UIMC1: variants seen among roughly 807,000 people sequenced by gnomAD.
UIMC1 encodes BRCA1-A complex subunit RAP80.
Under a neutral mutation model 84.9 loss-of-function variants are expected in UIMC1, and 42 were observed. That is an observed-to-expected ratio of 0.49 (90% confidence interval 0.39 to 0.64). The LOEUF is 0.64. Among genes scored for constraint, UIMC1 ranks in the 30% least tolerant of loss-of-function variants. The probability of loss-of-function intolerance (pLI) is 0.00; values close to 1 mark genes in which losing one functional copy is unlikely to be tolerated. For missense variants in UIMC1, 825 were observed against 847.6 expected, an observed-to-expected ratio of 0.97 and a Z score of 0.33; for synonymous variants, 281 against 293.0, an observed-to-expected ratio of 0.96 and a Z score of 0.42.
intron 9 of UIMC1, among the ~76,000 whole-genome samples, chr5:176,944,638 C>T (rs553471826): frequency 6.6e-6 from 1 of 152,186 alleles, no homozygotes; most frequent in Non-Finnish European, 1.5e-5. Flanking sequence ...ACGACCAAAA[C>T]TTCAATGCAT....
At chr5:176,974,877 G>A (rs1769818879) in intron 3 of UIMC1, among the ~76,000 whole-genome samples, 1 of 152,016 alleles carries the variant, frequency 6.6e-6, no homozygotes, top group African/African-American at 2.4e-5. Flanking sequence ...CAGAATGGGG[G>A]CTAACTGGTG....
At chr5:176,986,164 A>G (rs1273451014) in intron 1 of UIMC1, among the ~76,000 whole-genome samples, 1 of 151,642 alleles carries the variant, frequency 6.6e-6, no homozygotes, top group Non-Finnish European at 1.5e-5. Flanking sequence ...GTTCGAGACC[A>G]GCCTGGCCAA....
rs374144935 is a variant in UIMC1, at chr5:176,923,968, C to A, written c.1598-12579G>T. ...TCAGGGATAAAACTGGAAATTACAT[C>A]GTATATTTACATGTTGGCTCAATAA... On this transcript the variant is annotated intron_variant, in intron 10 of 14. Transcript: ENST00000511320. Among the ~76,000 whole-genome samples the A allele has an allele frequency of 1.7e-4, 26 of 151,322 alleles. No individual in the cohort carries two copies. The East Asian group carries it at 2.0e-3, about 11-fold the overall frequency.
In UIMC1 at chr5:177,002,446, G is replaced by A. The variant is rs920519944; in HGVS notation, c.-9+4204C>T. Among the ~76,000 whole-genome samples, 8 of 152,290 alleles carry A rather than the reference G, an allele frequency of 5.3e-5. No individual in the cohort carries two copies. The East Asian group carries it at 1.5e-3, about 29-fold the overall frequency. Reference sequence around the variant, plus strand: ...CTTACACGGGTGTACACATTGAACTGTACAATTAAGACGGGTTCACTCTAC... The same window carrying A: ...CTTACACGGGTGTACACATTGAACTATACAATTAAGACGGGTTCACTCTAC... On this transcript the variant is annotated intron_variant, in intron 1 of 14. Coordinates refer to ENST00000511320, the MANE Select transcript of UIMC1 (RefSeq NM_001199298.2).
intron 3 of UIMC1, among the ~76,000 whole-genome samples, chr5:176,973,498 C>T (rs1209804839): frequency 6.7e-6 from 1 of 148,496 alleles, no homozygotes; most frequent in Non-Finnish European, 1.5e-5. Context: ...TATAATTGCT[C>T]AAGTCCAGGT....
chr5:177,006,580 C>G (rs972916117), intron 1 of UIMC1, 70 bp downstream of exon 1: 10 of 152,346 alleles, frequency 6.6e-5, no homozygotes, highest in African/African-American at 2.4e-4. Flanking sequence ...TAGCGGGCCG[C>G]GGACCCGCTG....
chr5:176,911,613 G>A (rs188671245), intron 10 of UIMC1, among the ~76,000 whole-genome samples: 81 of 152,202 alleles, frequency 5.3e-4, no homozygotes, highest in Non-Finnish European at 7.9e-4. Flanking sequence ...AAGATATTCC[G>A]CTGTATGCTA....
At chr5:176,933,134 G>A (rs1033699945) in intron 10 of UIMC1, among the ~76,000 whole-genome samples, 3 of 152,076 alleles carry the variant, frequency 2.0e-5, no homozygotes, top group Admixed American at 1.3e-4. Context: ...AGAACTGACG[G>A]GTGAGTGAAA....
intron 13 of UIMC1, 35 bp from the exon 14 acceptor site, chr5:176,906,082 G>A: frequency 6.2e-7 from 1 of 1,601,480 alleles, no homozygotes; most frequent in Non-Finnish European, 8.5e-7. Flanking sequence ...AATGTTGGTA[G>A]TAGTGTTGGT....
intron 6 of UIMC1, among the ~76,000 whole-genome samples, chr5:176,965,198 G>C (rs1462558676): frequency 1.3e-5 from 2 of 152,116 alleles, no homozygotes; most frequent in Admixed American, 1.3e-4. Flanking sequence ...AAGGTGGGTG[G>C]ATCACGAGGT....
chr5:176,934,891 C>T (rs1392659101), intron 10 of UIMC1, among the ~76,000 whole-genome samples: 2 of 152,208 alleles, frequency 1.3e-5, no homozygotes, highest in Non-Finnish European at 2.9e-5. Flanking sequence ...ATCTGTTGAA[C>T]AGAGACCACT....
chr5:176,975,628 A>G (rs1485245301), intron 2 of UIMC1, 148 bp from the exon 3 acceptor site: 5 of 708,670 alleles, frequency 7.1e-6, no homozygotes, highest in Non-Finnish European at 1.2e-5. Flanking sequence ...GATCCTTTTC[A>G]GTACAAAAGG....
Position 176,913,519 on chromosome 5 carries a change from T to G in UIMC1, c.1598-2130A>C, listed in dbSNP as rs191837277. ...TCCAATATTCAACAAACAATCCAAC[T>G]AGTAAAAAGAACAGAAGAACCATGG... On this transcript the variant is annotated intron_variant, in intron 10 of 14. Transcript: ENST00000511320. Among the ~76,000 whole-genome samples, 808 of 152,310 alleles carry G rather than the reference T, an allele frequency of 5.3e-3. 9 individuals carry two copies. The highest frequency in any genetic ancestry group is 0.019 in the African/African-American group (774 of 41,560).
At chr5:176,931,151 A>G (rs544968847) in intron 10 of UIMC1, among the ~76,000 whole-genome samples, 1 of 152,294 alleles carries the variant, frequency 6.6e-6, no homozygotes, top group East Asian at 1.9e-4. Context: ...GAGATAACAA[A>G]AACTTATCCT....
intron 1 of UIMC1, among the ~76,000 whole-genome samples, chr5:177,012,203 T>G (rs898298170): frequency 6.6e-6 from 1 of 152,310 alleles, no homozygotes; most frequent in Admixed American, 6.5e-5. Flanking sequence ...CCACCTGTTA[T>G]GTCCCACATA....
At chr5:176,912,481 T>G (rs1760355916) in intron 10 of UIMC1, among the ~76,000 whole-genome samples, 1 of 150,642 alleles carries the variant, frequency 6.6e-6, no homozygotes, top group African/African-American at 2.4e-5. Context: ...TTTGTTTTTT[T>G]TTTTTTTTGA....
At chr5:177,000,726 C>T (rs1774328372) in intron 1 of UIMC1, among the ~76,000 whole-genome samples, 2 of 151,694 alleles carry the variant, frequency 1.3e-5, no homozygotes, top group Admixed American at 1.3e-4. Flanking sequence ...TCTCGAACTC[C>T]CGACCTCAGG....
At chr5:176,977,648 A>G (rs905129342) in intron 2 of UIMC1, among the ~76,000 whole-genome samples, 4 of 151,190 alleles carry the variant, frequency 2.6e-5, no homozygotes, top group African/African-American at 9.7e-5. Flanking sequence ...AGTGGCTCAC[A>G]CCTGTAATTC....
rs1381649957 is a variant in UIMC1 at position 176,928,896 on chromosome 5, AGAG to A, written c.1597+14436_1597+14438del. Among the ~76,000 whole-genome samples, 7 of 151,640 alleles carry A rather than the reference AGAG, an allele frequency of 4.6e-5. No homozygotes were observed. The South Asian group carries it at 1.3e-3, about 27-fold the overall frequency. On this transcript the variant is annotated intron_variant, in intron 10 of 14. Transcript: ENST00000511320. Reference sequence around the variant, plus strand: ...AACCCAGGAGGCGGAGCTTGCAGTGAGAGGAGATCGCGCCACTGCACTCCAACC... The same window carrying A: ...AACCCAGGAGGCGGAGCTTGCAGTGAGAGATCGCGCCACTGCACTCCAACC...
Sources: gnomAD v4.1 joint callset for allele counts (sites outside exome capture counted in the v4.1 genomes callset) on GRCh38, gnomAD v4.1.1 for gene constraint, MANE v1.5 for transcripts, NCBI Gene and HGNC (gene_info 2026-07-23, HGNC 2026-07-21) for gene names.